Variants in SLC24A2 observed in about 807,000 individuals in gnomAD.
The protein encoded by SLC24A2 is sodium/potassium/calcium exchanger 2.
A neutral mutation model predicts 62.0 loss-of-function variants in SLC24A2; 36 were observed. That is an observed-to-expected ratio of 0.58 (90% confidence interval 0.44 to 0.77). The LOEUF is 0.77. Among genes scored for constraint, SLC24A2 ranks in the 30% least tolerant of loss-of-function variants. The pLI is 0.00. For synonymous variants in SLC24A2, 358 were observed against 294.0 expected (o/e 1.22, Z -2.23); for missense variants, 846 against 817.9 (o/e 1.03, Z -0.42).
At chr9:20,027,581 T>C in the SLC24A2 span, among the ~76,000 whole-genome samples, 1 of 152,138 alleles carries the variant, frequency 6.6e-6, no homozygotes, top group Non-Finnish European at 1.5e-5. Flanking sequence ...ATCTTCCTCA[T>C]GTGAAATCTA....
chr9:20,160,075 G>C, the SLC24A2 span, among the ~76,000 whole-genome samples: 4 of 151,008 alleles, frequency 2.6e-5, no homozygotes, highest in Admixed American at 2.0e-4. Flanking sequence ...ATTCATAAAG[G>C]GCAAAAATAA....
chr9:20,273,784 C>A, the SLC24A2 span, among the ~76,000 whole-genome samples: 1 of 152,124 alleles, frequency 6.6e-6, no homozygotes, highest in Non-Finnish European at 1.5e-5. Flanking sequence ...CAATATTAAA[C>A]CTTACCCCCA....
At chr9:20,065,640 G>A in the SLC24A2 span, among the ~76,000 whole-genome samples, 1 of 152,158 alleles carries the variant, frequency 6.6e-6, no homozygotes, top group Non-Finnish European at 1.5e-5. Context: ...CTGTAAAATA[G>A]CTAATATTAT....
At chr9:19,855,742 T>C in the SLC24A2 span, among the ~76,000 whole-genome samples, 1 of 152,216 alleles carries the variant, frequency 6.6e-6, no homozygotes, top group African/African-American at 2.4e-5. Context: ...ATTTCAACCA[T>C]GGAGAATCTG....
the SLC24A2 span, among the ~76,000 whole-genome samples, chr9:20,303,920 G>T: frequency 3.3e-5 from 5 of 152,012 alleles, no homozygotes; most frequent in Non-Finnish European, 5.9e-5. Flanking sequence ...TTGGAGGTTT[G>T]GATGGGGCAA....
At chr9:20,258,863 T>C in the SLC24A2 span, among the ~76,000 whole-genome samples, 2 of 146,936 alleles carry the variant, frequency 1.4e-5, no homozygotes, top group Admixed American at 1.3e-4. Flanking sequence ...CTAATGTCTA[T>C]CTATCCATCC....
At chr9:20,232,423 G>C in the SLC24A2 span, among the ~76,000 whole-genome samples, 1 of 152,068 alleles carries the variant, frequency 6.6e-6, no homozygotes, top group Non-Finnish European at 1.5e-5. Flanking sequence ...TCCTGTTATT[G>C]GTCTATTCAG....
At chr9:20,193,747 T>A in the SLC24A2 span, among the ~76,000 whole-genome samples, 36 of 152,222 alleles carry the variant, frequency 2.4e-4, no homozygotes, top group African/African-American at 7.5e-4. Context: ...ACTAAGTTCT[T>A]AAACAGAATA....
the SLC24A2 span, among the ~76,000 whole-genome samples, chr9:19,877,098 G>T: frequency 1.3e-5 from 2 of 151,496 alleles, no homozygotes; most frequent in Non-Finnish European, 2.9e-5. Context: ...AGATTATTAC[G>T]CCATTGTCTG....
the SLC24A2 span, among the ~76,000 whole-genome samples, chr9:20,032,792 C>T: frequency 6.6e-6 from 1 of 152,002 alleles, no homozygotes; most frequent in East Asian, 1.9e-4. Context: ...ACAGGAAGGA[C>T]CCAACCCAGG....
At chr9:20,231,190 T>C in the SLC24A2 span, among the ~76,000 whole-genome samples, 1 of 152,212 alleles carries the variant, frequency 6.6e-6, no homozygotes, top group Non-Finnish European at 1.5e-5. Flanking sequence ...TTTGTTCTTT[T>C]GGCTTAAGAT....
the SLC24A2 span, among the ~76,000 whole-genome samples, chr9:19,941,184 G>C: frequency 1.3e-5 from 2 of 152,170 alleles, no homozygotes; most frequent in African/African-American, 4.8e-5. Context: ...TCTATATGGG[G>C]TCCCTGGAAT....
the SLC24A2 span, among the ~76,000 whole-genome samples, chr9:20,164,032 G>C: frequency 2.0e-5 from 3 of 152,046 alleles, no homozygotes; most frequent in African/African-American, 7.2e-5. Context: ...AAAAACCCTA[G>C]AAGAAAACCT....
At chr9:20,126,254 G>C in the SLC24A2 span, among the ~76,000 whole-genome samples, 1 of 152,072 alleles carries the variant, frequency 6.6e-6, no homozygotes, top group Admixed American at 6.6e-5. Flanking sequence ...GAAATATCTT[G>C]AGTAGTTTAA....
the SLC24A2 span, among the ~76,000 whole-genome samples, chr9:19,862,914 G>A: frequency 4.0e-5 from 6 of 151,500 alleles, no homozygotes; most frequent in Non-Finnish European, 7.4e-5. Context: ...AAGGAATATA[G>A]GAAGGAAACA....
At chr9:19,683,366 G>A (rs999141688) in intron 2 of SLC24A2, among the ~76,000 whole-genome samples, 1 of 152,136 alleles carries the variant, frequency 6.6e-6, no homozygotes, top group African/African-American at 2.4e-5. Flanking sequence ...GTTTCTGGGA[G>A]ATTACATGGA....
rs557563084 is a variant in SLC24A2, at chr9:19,759,943, A to G, written c.930+25994T>C. On this transcript the variant is annotated intron_variant, in intron 2 of 10. Coordinates refer to ENST00000341998, the MANE Select transcript of SLC24A2 (RefSeq NM_020344.4). ...AAAATAAGATAGATTAATGTTTATCATCCTGCTTCCTGGCTTCTCAAGCAG... is the reference window on the plus strand; with the variant it reads ...AAAATAAGATAGATTAATGTTTATCGTCCTGCTTCCTGGCTTCTCAAGCAG... Among the ~76,000 whole-genome samples, 344 of 152,290 alleles carry G rather than the reference A, an allele frequency of 2.3e-3. 2 individuals carry two copies. Among genetic ancestry groups the G allele is most frequent in the African/African-American group, 7.8e-3 (324 of 41,564 alleles).
At chr9:19,980,207 T>C in the SLC24A2 span, among the ~76,000 whole-genome samples, 1 of 152,168 alleles carries the variant, frequency 6.6e-6, no homozygotes, top group South Asian at 2.1e-4. Context: ...TGCATCTAAA[T>C]CACTGAAATT....
At chr9:20,063,505 G>T in the SLC24A2 span, among the ~76,000 whole-genome samples, 1 of 113,886 alleles carries the variant, frequency 8.8e-6, no homozygotes, top group African/African-American at 3.3e-5. Flanking sequence ...GGTGGGGGGA[G>T]GGGGGAGGGA....
Sources: allele counts gnomAD v4.1 joint callset (sites outside exome capture counted in the v4.1 genomes callset), GRCh38; gene constraint gnomAD v4.1.1; transcripts MANE v1.5; gene names NCBI Gene and HGNC (gene_info 2026-07-23, HGNC 2026-07-21).